Variants in DNAH5 observed in about 807,000 individuals in gnomAD.
DNAH5 encodes dynein axonemal heavy chain 5, also known as axonemal beta dynein heavy chain 5.
In DNAH5, 372 loss-of-function variants were observed where a neutral mutation model predicts 518.2. The ratio of observed to expected loss-of-function variants is 0.72; its 90% CI spans 0.66 to 0.78. The LOEUF (loss-of-function observed/expected upper bound fraction) is 0.78, where lower values mean the gene tolerates loss of function less well. Among genes scored for constraint, DNAH5 ranks in the 30% least tolerant of loss-of-function variants. The probability of loss-of-function intolerance (pLI) is 0.00; values close to 1 mark genes in which losing one functional copy is unlikely to be tolerated. For missense variants in DNAH5, 5,523 were observed against 5,687.0 expected, an observed-to-expected ratio of 0.97 and a Z score of 0.93; for synonymous variants, 2,039 against 2,025.9, an observed-to-expected ratio of 1.01 and a Z score of -0.17.
intron 1 of DNAH5, among the ~76,000 whole-genome samples, chr5:13,942,076 G>C (rs540101299): frequency 6.6e-6 from 1 of 152,230 alleles, no homozygotes; most frequent in African/African-American, 2.4e-5. Flanking sequence ...GCAGAAAAAA[G>C]ACAGACATCA....
chr5:13,887,206 C>T (rs1204953409), intron 17 of DNAH5, among the ~76,000 whole-genome samples: 1 of 152,196 alleles, frequency 6.6e-6, no homozygotes, highest in Non-Finnish European at 1.5e-5. Context: ...CTCTCAGTAA[C>T]ACAAGCACAT....
rs894209150 is a variant in DNAH5, at chr5:13,864,499, C to A, written c.4494G>T (p.Arg1498Ser). Residue 1498 changes from arginine (R) to serine (S), a missense_variant, in exon 28 of 79, where the codon AGG (arginine) becomes AGT (serine). By Grantham distance (110) the Arg-to-Ser change is moderately radical. Transcript: ENST00000265104. ...SKAMMERHWE[R>S]ITTLTGHSLD... ...GACTGTGCCCGGTGAGGGTGGTTAT[C>A]CTTTCCCAGTGCCGCTCCATCATGG... 5.0e-6 allele frequency: 8 copies of A among 1,614,122 alleles called. No individual in the cohort carries two copies. Among genetic ancestry groups the A allele is most frequent in the Non-Finnish European group, 6.8e-6 (8 of 1,180,006 alleles).
At chr5:13,947,321 C>T (rs1032786952), upstream of DNAH5, among the ~76,000 whole-genome samples, 1 of 152,186 alleles carries the variant, frequency 6.6e-6, no homozygotes, top group Non-Finnish European at 1.5e-5. Flanking sequence ...CTCGTATGTA[C>T]ATCCCGTTCC....
intron 75 of DNAH5, among the ~76,000 whole-genome samples, chr5:13,713,689 G>C (rs1201629812): frequency 2.1e-5 from 3 of 145,086 alleles, no homozygotes; most frequent in Non-Finnish European, 4.5e-5. Context: ...GGACTTGGGG[G>C]GAAGAGTGTG....
At chr5:13,933,520 A>G (rs1012433507) in intron 1 of DNAH5, among the ~76,000 whole-genome samples, 1 of 152,188 alleles carries the variant, frequency 6.6e-6, no homozygotes, top group Non-Finnish European at 1.5e-5. Context: ...GGTTGGGCAC[A>G]GTGGCTCATG....
intron 52 of DNAH5, among the ~76,000 whole-genome samples, chr5:13,781,796 A>G (rs551538206): frequency 4.0e-4 from 61 of 152,248 alleles, no homozygotes; most frequent in African/African-American, 1.4e-3. Context: ...GAACTAATAC[A>G]TATGGTATAG....
upstream of DNAH5, among the ~76,000 whole-genome samples, chr5:13,947,573 A>T (rs564989552): frequency 6.6e-6 from 1 of 152,304 alleles, no homozygotes; most frequent in African/African-American, 2.4e-5. Context: ...TGGCAATATC[A>T]ATGGAGAGGA....
chr5:13,872,586 A>T (rs988683696), intron 22 of DNAH5, among the ~76,000 whole-genome samples: 11 of 152,262 alleles, frequency 7.2e-5, no homozygotes, highest in Admixed American at 3.9e-4. Context: ...ACATTTTTTT[A>T]AATTTATTTG....
chr5:13,762,474 A>G (rs888743690), intron 60 of DNAH5, among the ~76,000 whole-genome samples: 2 of 152,174 alleles, frequency 1.3e-5, no homozygotes, highest in African/African-American at 2.4e-5. Context: ...GCAGCCCACA[A>G]TGGACCTGTA....
At chr5:13,897,644 C>T (rs1278098931) in intron 15 of DNAH5, 5 of 152,220 alleles carry the variant, frequency 3.3e-5, no homozygotes, top group African/African-American at 9.6e-5. Context: ...TTCTGCAACA[C>T]TTCAGATGGT....
At chr5:13,977,416 C>G (rs1782337648) in intron 1 of DNAH5, among the ~76,000 whole-genome samples, 1 of 152,154 alleles carries the variant, frequency 6.6e-6, no homozygotes, top group African/African-American at 2.4e-5. Context: ...TTACCATAGA[C>G]CGAAAGGCTT....
intron 8 of DNAH5, 140 bp downstream of exon 8, chr5:13,917,003 T>C (rs1301708934): frequency 1.4e-6 from 1 of 702,912 alleles, no homozygotes; most frequent in South Asian, 1.6e-5. Flanking sequence ...TATACCTATA[T>C]ATATGTAATT....
chr5:13,938,946 G>A (rs1250456305), intron 1 of DNAH5, among the ~76,000 whole-genome samples: 1 of 152,190 alleles, frequency 6.6e-6, no homozygotes, highest in East Asian at 1.9e-4. Flanking sequence ...ATGCCTGGCT[G>A]AAATACCTGG....
At chr5:13,722,232 C>T (rs575100971) in intron 70 of DNAH5, among the ~76,000 whole-genome samples, 2 of 152,258 alleles carry the variant, frequency 1.3e-5, no homozygotes, top group African/African-American at 4.8e-5. Context: ...TTCAGATAGA[C>T]CCGGATCAAA....
intron 47 of DNAH5, among the ~76,000 whole-genome samples, chr5:13,802,733 GAC>G (rs1247517405): frequency 5.3e-5 from 8 of 152,198 alleles, no homozygotes; most frequent in Non-Finnish European, 5.9e-5. Context: ...TTGTGAATGA[GAC>G]ACAGTGCAAA....
At chr5:13,903,397 C>A (rs1405059813) in intron 12 of DNAH5, among the ~76,000 whole-genome samples, 2 of 151,398 alleles carry the variant, frequency 1.3e-5, no homozygotes, top group Non-Finnish European at 2.9e-5. Context: ...GGAAGAAGAA[C>A]CTAAGATATT....
intron 47 of DNAH5, among the ~76,000 whole-genome samples, chr5:13,803,351 T>C (rs1759075709): frequency 6.6e-6 from 1 of 152,076 alleles, no homozygotes. Flanking sequence ...TTGTAAAAAG[T>C]AAAATATGTC....
chr5:13,734,753 C>T (rs1423878622), intron 68 of DNAH5, among the ~76,000 whole-genome samples: 1 of 152,180 alleles, frequency 6.6e-6, no homozygotes, highest in South Asian at 2.1e-4. Context: ...AAGCTTGAAG[C>T]TCCTCCCACT....
intron 1 of DNAH5, among the ~76,000 whole-genome samples, chr5:13,982,853 T>C (rs1016605085): frequency 2.0e-5 from 3 of 152,246 alleles, no homozygotes; most frequent in African/African-American, 4.8e-5. Context: ...CAAGGCCTTG[T>C]GGTGAGCTCT....
Sources: gnomAD v4.1 joint callset for allele counts (sites outside exome capture counted in the v4.1 genomes callset) on GRCh38, gnomAD v4.1.1 for gene constraint, MANE v1.5 for transcripts, NCBI Gene and HGNC (gene_info 2026-07-23, HGNC 2026-07-21) for gene names.